Variants in FBXO10 observed in about 807,000 individuals in gnomAD.
The protein encoded by FBXO10 is F-box only protein 10.
FBXO10 carries 39 observed loss-of-function variants against 80.7 expected under a neutral mutation model. The ratio of observed to expected loss-of-function variants is 0.48; its 90% CI spans 0.37 to 0.63. FBXO10 has a LOEUF of 0.63. FBXO10 is among the 30% of genes least tolerant of loss of function. FBXO10 has a pLI of 0.00. For missense variants in FBXO10, 1,025 were observed against 1,269.0 expected, an observed-to-expected ratio of 0.81 and a Z score of 2.92; for synonymous variants, 449 against 489.6, an observed-to-expected ratio of 0.92 and a Z score of 1.09.
At chr9:37,564,105 CA>C (rs1401835921) in intron 1 of FBXO10, among the ~76,000 whole-genome samples, 1 of 152,240 alleles carries the variant, frequency 6.6e-6, no homozygotes, top group Non-Finnish European at 1.5e-5. Context: ...GCTTCAGCTG[CA>C]GCAGTGGCTA....
chr9:37,516,388 G>A (rs1297238403), intron 9 of FBXO10, among the ~76,000 whole-genome samples: 10 of 152,142 alleles, frequency 6.6e-5, no homozygotes, highest in African/African-American at 2.2e-4. Context: ...AGAAGTCAGG[G>A]CCACTGGCAA....
chr9:37,518,497 G>C, intron 8 of FBXO10, 59 bp from the exon 9 acceptor site: 1 of 1,428,154 alleles, frequency 7.0e-7, no homozygotes, highest in Non-Finnish European at 9.4e-7. Context: ...GACACCACCA[G>C]TCAGGAAAAG....
chr9:37,538,279 G>C (rs1310642226), intron 2 of FBXO10, among the ~76,000 whole-genome samples: 1 of 152,206 alleles, frequency 6.6e-6, no homozygotes, highest in Non-Finnish European at 1.5e-5. Flanking sequence ...GGCAGTGAGA[G>C]AGGCCTAGCC....
chr9:37,550,169 GTTTTTTTTTT>G lies in FBXO10; in HGVS notation c.-6-8405_-6-8396del, dbSNP rs74171511. On this transcript the variant is annotated intron_variant, in intron 1 of 10. Transcript: ENST00000432825. ...CAGTTTTCTTTTTTTGTCGTCTCAGGTTTTTTTTTTTTTTTTTTTTTTTTTTTTTTTGAGA... is the reference window on the plus strand; with the variant it reads ...CAGTTTTCTTTTTTTGTCGTCTCAGGTTTTTTTTTTTTTTTTTTTTTGAGA... 1.8e-4 allele frequency among the ~76,000 whole-genome samples: 12 copies of G among 68,006 alleles called. 1 individual carries two copies. Among genetic ancestry groups the G allele is most frequent in the African/African-American group, 2.6e-4 (5 of 19,376 alleles). 44.6% of individuals were successfully genotyped at this position (68,006 alleles called of 152,430 possible). A position where few individuals can be genotyped will look rare whatever the true frequency, so the allele number is the denominator to read the frequency against.
chr9:37,574,770 T>C (rs762563007), intron 1 of FBXO10, among the ~76,000 whole-genome samples: 1 of 152,194 alleles, frequency 6.6e-6, no homozygotes, highest in Non-Finnish European at 1.5e-5. Context: ...GATGGATATA[T>C]ATATAAAACA....
Position 37,522,847 on chromosome 9 carries a change from G to A in FBXO10, c.1908C>T (p.Leu636=), listed in dbSNP as rs1821376948. The A allele has an allele frequency of 6.4e-7, 1 of 1,552,536 alleles. No homozygotes were observed. The highest frequency in any genetic ancestry group is 8.7e-7 in the Non-Finnish European group (1 of 1,147,408). ...GVVVGDEGKG[L]IEGNTIYANK... is the part of the protein sequence containing the mutation. ...CACCGTAGATGGTATTTCCTTCTATGAGGCCTTTGCCTTCGTCTCCCACAA... is the reference window on the plus strand; with the variant it reads ...CACCGTAGATGGTATTTCCTTCTATAAGGCCTTTGCCTTCGTCTCCCACAA... The change falls in exon 7 of 11, where the codon CTC becomes CTT. Residue 636 remains leucine, a synonymous_variant. Coordinates refer to ENST00000432825, the MANE Select transcript of FBXO10 (RefSeq NM_012166.3).
At chr9:37,546,242 G>T (rs1399136503) in intron 1 of FBXO10, among the ~76,000 whole-genome samples, 57 of 152,018 alleles carry the variant, frequency 3.7e-4, no homozygotes, top group Non-Finnish European at 1.5e-5. Flanking sequence ...TTACTATGGT[G>T]TAAGAAGATG....
chr9:37,553,641 C>A (rs916370879), intron 1 of FBXO10, among the ~76,000 whole-genome samples: 1 of 151,638 alleles, frequency 6.6e-6, no homozygotes, highest in African/African-American at 2.4e-5. Flanking sequence ...CACGGTGGCT[C>A]ATGCCTGGAA....
At chr9:37,548,012 T>C (rs1276239903) in intron 1 of FBXO10, among the ~76,000 whole-genome samples, 1 of 151,638 alleles carries the variant, frequency 6.6e-6, no homozygotes, top group Non-Finnish European at 1.5e-5. Context: ...CTGGAAGGGG[T>C]TACGAGGGAA....
chr9:37,537,082 C>T, intron 3 of FBXO10, 28 bp downstream of exon 3: 1 of 1,555,182 alleles, frequency 6.4e-7, no homozygotes, highest in Non-Finnish European at 8.8e-7. Context: ...ACAGGAGCCC[C>T]CTGACCAATC....
intron 6 of FBXO10, among the ~76,000 whole-genome samples, chr9:37,524,810 G>C (rs1334531581): frequency 6.6e-6 from 1 of 152,208 alleles, no homozygotes; most frequent in African/African-American, 2.4e-5. Flanking sequence ...AGACCAAGAG[G>C]AGGGATTTGG....
intron 1 of FBXO10, among the ~76,000 whole-genome samples, chr9:37,556,533 A>ATTTTTTTTT (rs60829486): frequency 1.3e-5 from 1 of 75,102 alleles, no homozygotes; most frequent in Non-Finnish European, 2.4e-5. Flanking sequence ...TTTGTTCTGG[A>ATTTTTTTTT]TTTTTTTTTT....
chr9:37,567,215 T>C (rs1822630694), intron 1 of FBXO10, among the ~76,000 whole-genome samples: 1 of 151,396 alleles, frequency 6.6e-6, no homozygotes, highest in Non-Finnish European at 1.5e-5. Context: ...TGATCTTGGC[T>C]CACTACAGCC....
chr9:37,514,754 A>G (rs1821142003), intron 10 of FBXO10, among the ~76,000 whole-genome samples: 1 of 152,062 alleles, frequency 6.6e-6, no homozygotes, highest in Admixed American at 6.6e-5. Context: ...GGATCGCTTG[A>G]ATCTGGGAGG....
At chr9:37,542,577 CA>C (rs1317190066) in intron 1 of FBXO10, among the ~76,000 whole-genome samples, 4 of 119,212 alleles carry the variant, frequency 3.4e-5, no homozygotes, top group African/African-American at 1.3e-4. Flanking sequence ...GCATGGGCAA[CA>C]AGAGCGAATC....
At chr9:37,527,667 T>C (rs1821509232) in intron 5 of FBXO10, among the ~76,000 whole-genome samples, 1 of 152,094 alleles carries the variant, frequency 6.6e-6, no homozygotes. Flanking sequence ...GCTGTGTGAG[T>C]GTGTGTCCAT....
intron 1 of FBXO10, among the ~76,000 whole-genome samples, chr9:37,561,323 G>C (rs1272223177): frequency 2.6e-5 from 4 of 152,006 alleles, no homozygotes; most frequent in Non-Finnish European, 5.9e-5. Context: ...GTGATTACAG[G>C]CGTGAGTTAC....
chr9:37,513,586 A>AAT (rs371177433), intron 10 of FBXO10, among the ~76,000 whole-genome samples: 11 of 150,790 alleles, frequency 7.3e-5, no homozygotes, highest in African/African-American at 1.9e-4. Flanking sequence ...TTTATTTTTT[A>AAT]ATATATATAT....
chr9:37,537,191 G>A lies in FBXO10; in HGVS notation c.1338C>T (p.Val446=), dbSNP rs765706195. The change falls in exon 3 of 11, where the codon GTC becomes GTT. Residue 446 remains valine, a synonymous_variant. Transcript: ENST00000432825. ...LFRDGKGGVF[V]CSHGRAKMEG... ...CCATCTTGGCTCTGCCGTGGGAGCA[G>A]ACGAAGACGCCTCCCTTCCCGTCCC... is the stretch of plus-strand genomic sequence containing the variant. The A allele has an allele frequency of 2.9e-5, 47 of 1,613,976 alleles. No individual in the cohort carries two copies. The highest frequency in any genetic ancestry group is 4.0e-5 in the Non-Finnish European group (47 of 1,179,912).
Sources: gnomAD v4.1 joint callset for allele counts (sites outside exome capture counted in the v4.1 genomes callset) on GRCh38, gnomAD v4.1.1 for gene constraint, MANE v1.5 for transcripts, NCBI Gene and HGNC (gene_info 2026-07-23, HGNC 2026-07-21) for gene names.